The following RSPH10B2 variants were observed in gnomAD, a reference collection of about 807,000 sequenced individuals.
RSPH10B2 encodes radial spoke head 10 homolog B2.
Under a neutral mutation model 49.0 loss-of-function variants are expected in RSPH10B2, and 9 were observed. The observed-to-expected ratio is 0.18, with a 90% CI of 0.11 to 0.32. The LOEUF is 0.32. Among genes scored for constraint, RSPH10B2 ranks in the 10% least tolerant of loss-of-function variants. The pLI, the probability that RSPH10B2 is intolerant of heterozygous loss-of-function variation, is 1.00. For missense variants in RSPH10B2, 95 were observed against 589.9 expected (o/e 0.16, Z 8.69); for synonymous variants, 35 against 210.2 (o/e 0.17, Z 7.21).
exon 6 of RSPH10B2, chr7:6,766,786 A>G: frequency 2.2e-6 from 1 of 457,062 alleles, no homozygotes; most frequent in South Asian, 3.0e-5. Flanking sequence ...TACGAAGGCC[A>G]GTGGGAAGAC....
intron 4 of RSPH10B2, among the ~76,000 whole-genome samples, chr7:6,764,792 A>T (rs1449297079): frequency 6.8e-6 from 1 of 147,516 alleles, no homozygotes; most frequent in Non-Finnish European, 1.5e-5. Context: ...GGTGACTTCT[A>T]GACAGCAGCA....
rs1781991588 is a variant in RSPH10B2 at position 6,782,777 on chromosome 7, G to C, written c.1758+1301G>C. ...CAGAGCCTGTAATCCCAGCCACTTC[G>C]GAGGCTGAGGCAGGAGAATTGCTTG... On this transcript the variant is annotated intron_variant, in intron 13 of 18. Transcript: ENST00000297186. Among the ~76,000 whole-genome samples, 2 of 115,558 alleles carry C rather than the reference G, an allele frequency of 1.7e-5. 1 individual carries two copies. The highest frequency in any genetic ancestry group is 3.5e-5 in the Non-Finnish European group (2 of 56,414). 75.8% of individuals were successfully genotyped at this position (115,558 alleles called of 152,430 possible).
At chr7:6,770,503 C>T (rs1490906740) in intron 7 of RSPH10B2, among the ~76,000 whole-genome samples, 1 of 128,634 alleles carries the variant, frequency 7.8e-6, no homozygotes, top group African/African-American at 3.0e-5. Flanking sequence ...CCCAGCCACT[C>T]GGGAGGCTGA....
chr7:6,752,186 G>A (rs1178617549), upstream of RSPH10B2, among the ~76,000 whole-genome samples: 1 of 149,552 alleles, frequency 6.7e-6, no homozygotes, highest in African/African-American at 2.5e-5. Flanking sequence ...GGATGGGACA[G>A]GGGTCACTAT....
chr7:6,796,781 C>T lies in RSPH10B2; in HGVS notation c.2432+15C>T. The stretch of plus-strand genomic sequence containing the variant: ...CTGGAAGCAAGGTAACTTACGAGGT[C>T]CCTCCTCTCCTTCCCCAGCTGCTCG... On this transcript the variant is annotated intron_variant, in intron 18 of 18. Coordinates refer to ENST00000297186, the Ensembl canonical transcript of RSPH10B2. The T allele has an allele frequency of 8.3e-7, 1 of 1,203,638 alleles. No homozygotes were observed. The highest frequency in any genetic ancestry group is 1.1e-6 in the Non-Finnish European group (1 of 918,566). The allele number at this position is 1,203,638 out of a possible 1,614,324, so 74.6% of individuals were successfully genotyped here.
intron 13 of RSPH10B2, among the ~76,000 whole-genome samples, chr7:6,783,318 C>T (rs1782012878): frequency 8.5e-6 from 1 of 117,902 alleles, no homozygotes; most frequent in African/African-American, 3.6e-5. Context: ...GCGTGAGCCA[C>T]TGTGCCTGGC....
chr7:6,764,407 C>T lies in RSPH10B2; in HGVS notation c.573+306C>T, dbSNP rs1359761030. On this transcript the variant is annotated intron_variant, in intron 4 of 18. Coordinates refer to ENST00000297186, the Ensembl canonical transcript of RSPH10B2. ...ATGGAGTCTTGCTCTGTCGCCCAGG[C>T]GGGAGTGCAATGGTGCCATCTCAGC... Among the ~76,000 whole-genome samples the T allele has an allele frequency of 1.1e-4, 16 of 150,896 alleles. No homozygotes were observed. The East Asian group carries it at 2.8e-3, about 26-fold the overall frequency.
At chr7:6,777,077 CAG>C (rs1331573295) in intron 10 of RSPH10B2, among the ~76,000 whole-genome samples, 104 of 44,086 alleles carry the variant, frequency 2.4e-3, no homozygotes, top group African/African-American at 9.9e-3. Context: ...TTTTTTGAGA[CAG>C]AGTTTCACTC....
At chr7:6,798,506 C>G in exon 19 of RSPH10B2, 1 of 910,002 alleles carries the variant, frequency 1.1e-6, no homozygotes. Context: ...GTGTCCCCAT[C>G]CAGCAAGACC....
intron 16 of RSPH10B2, among the ~76,000 whole-genome samples, chr7:6,790,991 ATGGT>A (rs944580138): frequency 1.1e-5 from 1 of 90,680 alleles, no homozygotes; most frequent in African/African-American, 5.0e-5. Flanking sequence ...GAATCTAAGT[ATGGT>A]TAAATTTTTT....
At chr7:6,764,329 G>A (rs1197705494) in intron 4 of RSPH10B2, among the ~76,000 whole-genome samples, 1 of 149,720 alleles carries the variant, frequency 6.7e-6, no homozygotes, top group Admixed American at 6.6e-5. Flanking sequence ...GTTTATTGAG[G>A]CGAAATTCAC....
At chr7:6,763,105 CA>C (rs1420249104) in intron 3 of RSPH10B2, among the ~76,000 whole-genome samples, 3 of 5,964 alleles carry the variant, frequency 5.0e-4, no homozygotes, top group Admixed American at 3.1e-3. Flanking sequence ...GACCCTGTCT[CA>C]AAAAAACAAA....
intron 11 of RSPH10B2, among the ~76,000 whole-genome samples, 174 bp from the exon 14 acceptor site, chr7:6,780,635 T>C (rs1781899123): frequency 8.5e-6 from 1 of 117,834 alleles, no homozygotes; most frequent in South Asian, 3.8e-4. Context: ...TCCGCCCACC[T>C]TGGCCTCCCA....
chr7:6,755,899 C>G (rs1781041815), upstream of RSPH10B2, among the ~76,000 whole-genome samples: 1 of 124,682 alleles, frequency 8.0e-6, no homozygotes, highest in Non-Finnish European at 1.6e-5. Context: ...GATCCTGCCA[C>G]TGCATTCCAA....
chr7:6,758,482 C>A (rs1324439935), intron 1 of RSPH10B2, among the ~76,000 whole-genome samples: 31 of 137,670 alleles, frequency 2.3e-4, no homozygotes, highest in African/African-American at 8.1e-4. Flanking sequence ...AATGTACTAT[C>A]TTAATTATTT....
At chr7:6,795,862 C>T (rs892773792) in intron 17 of RSPH10B2, among the ~76,000 whole-genome samples, 5 of 148,400 alleles carry the variant, frequency 3.4e-5, no homozygotes, top group Non-Finnish European at 6.0e-5. Context: ...CCAGGAGTTC[C>T]TCCAGGCTTC....
At chr7:6,758,844 A>G (rs1161832875) in intron 1 of RSPH10B2, among the ~76,000 whole-genome samples, 1 of 134,318 alleles carries the variant, frequency 7.4e-6, no homozygotes, top group Non-Finnish European at 1.6e-5. Flanking sequence ...GTGAGACTCC[A>G]TCTCAAAAAA....
rs1423042680 is a variant in RSPH10B2, at chr7:6,793,207, G to A, written c.2233+1210G>A. 3.6e-5 allele frequency among the ~76,000 whole-genome samples: 4 copies of A among 111,954 alleles called. 1 individual carries two copies. The highest frequency in any genetic ancestry group is 5.3e-5 in the Non-Finnish European group (3 of 56,948). The allele number at this position is 111,954 out of a possible 152,430, so 73.4% of individuals were successfully genotyped here. The stretch of plus-strand genomic sequence containing the variant: ...AGGTTACAGGTATGAGCCCAACCGC[G>A]CCTGGTCTTTTTTTGTTTGTTTGTT... On this transcript the variant is annotated intron_variant, in intron 17 of 18. Transcript: ENST00000297186.
intron 7 of RSPH10B2, among the ~76,000 whole-genome samples, chr7:6,770,745 AAT>A (rs1232202924): frequency 6.6e-6 from 1 of 152,116 alleles, no homozygotes; most frequent in African/African-American, 2.4e-5. Flanking sequence ...CTCTACTAAA[AAT>A]ACAAAAAATT....
Sources: gnomAD v4.1 joint callset for allele counts (sites outside exome capture counted in the v4.1 genomes callset) on GRCh38, gnomAD v4.1.1 for gene constraint, MANE v1.5 for transcripts, NCBI Gene and HGNC (gene_info 2026-07-23, HGNC 2026-07-21) for gene names.